Variants in ASTN1 observed in about 807,000 individuals in gnomAD.
The protein encoded by ASTN1 is astrotactin 1.
In ASTN1, 41 loss-of-function variants were observed where a neutral mutation model predicts 140.7. The observed-to-expected ratio is 0.29, with a 90% CI of 0.23 to 0.38. The LOEUF is 0.38. ASTN1 is among the 10% of genes least tolerant of loss of function. ASTN1 has a pLI of 1.00. For missense variants in ASTN1, 1,479 were observed against 1,678.8 expected (o/e 0.88, Z 2.08); for synonymous variants, 640 against 652.2 (o/e 0.98, Z 0.29).
chr1:176,934,311 C>T lies in ASTN1; in HGVS notation c.2512G>A (p.Gly838Arg). The T allele has an allele frequency of 6.2e-7, 1 of 1,613,464 alleles. No homozygotes were observed. The highest frequency in any genetic ancestry group is 2.2e-5 in the East Asian group (1 of 44,864). Residue 838 changes from glycine to arginine, a missense_variant, in exon 16 of 23, where the codon GGG (glycine) becomes AGG (arginine). By Grantham distance (125) the Gly-to-Arg change is moderately radical (BLOSUM62 -2). Transcript: ENST00000361833. ...ALSNALHSLD[G>R]ATSRADFVAL... Reference sequence around the variant, plus strand: ...ACAAAATCTGCACGAGATGTAGCCCCATCCAGCGAGTGGAGAGCATTGCTG... The same window carrying T: ...ACAAAATCTGCACGAGATGTAGCCCTATCCAGCGAGTGGAGAGCATTGCTG...
chr1:176,884,543 T>C, intron 18 of ASTN1, 53 bp from the exon 19 acceptor site: 1 of 1,558,190 alleles, frequency 6.4e-7, no homozygotes, highest in Non-Finnish European at 8.8e-7. Flanking sequence ...TGACTCACTT[T>C]GGGCACTGAC....
intron 7 of ASTN1, among the ~76,000 whole-genome samples, chr1:177,019,682 T>G (rs1675722083): frequency 6.6e-6 from 1 of 152,132 alleles, no homozygotes; most frequent in Non-Finnish European, 1.5e-5. Flanking sequence ...CTAGGTATAT[T>G]ACATCCCTCC....
Position 176,862,310 on chromosome 1 carries a change from T to C in ASTN1, c.*1974A>G, listed in dbSNP as rs1667996053. On this transcript the variant is annotated 3_prime_UTR_variant, in exon 23 of 23. Transcript: ENST00000361833. The stretch of plus-strand genomic sequence containing the variant: ...GAGAGAGGAGAGTGAAACCACCCTG[T>C]GCTTTATCTCAGCCTCATCACAGGC... 4 of 985,496 alleles carry C rather than the reference T, an allele frequency of 4.1e-6. No individual in the cohort carries two copies. The highest frequency in any genetic ancestry group is 4.8e-6 in the Non-Finnish European group (4 of 829,978). 61.0% of individuals were successfully genotyped at this position (985,496 alleles called of 1,614,324 possible). A position where few individuals can be genotyped will look rare whatever the true frequency, so the allele number is the denominator to read the frequency against.
At chr1:176,944,146 C>T (rs1466017488) in intron 13 of ASTN1, 128 bp from the exon 14 acceptor site, 1 of 1,218,128 alleles carries the variant, frequency 8.2e-7, no homozygotes, top group African/African-American at 1.5e-5. Context: ...GGCAGGATCT[C>T]AGCTCACCGC....
intron 16 of ASTN1, among the ~76,000 whole-genome samples, chr1:176,895,951 T>TG (rs1669483832): frequency 6.6e-6 from 1 of 152,222 alleles, no homozygotes; most frequent in African/African-American, 2.4e-5. Context: ...ACATTCATTC[T>TG]GGCCCTCTCA....
intron 1 of ASTN1, among the ~76,000 whole-genome samples, chr1:177,111,132 T>A (rs1274110288): frequency 6.6e-6 from 1 of 152,194 alleles, no homozygotes; most frequent in Non-Finnish European, 1.5e-5. Flanking sequence ...TAACATTTGT[T>A]AAGCCCCTCT....
At chr1:176,991,447 A>C (rs900520038) in intron 8 of ASTN1, among the ~76,000 whole-genome samples, 1 of 149,056 alleles carries the variant, frequency 6.7e-6, no homozygotes, top group Non-Finnish European at 1.5e-5. Flanking sequence ...AAAAAAAAAA[A>C]AAAAAAAAAA....
chr1:177,083,925 T>C (rs1679298707), intron 1 of ASTN1, among the ~76,000 whole-genome samples: 1 of 152,212 alleles, frequency 6.6e-6, no homozygotes, highest in Non-Finnish European at 1.5e-5. Context: ...CCAAATCCTT[T>C]TCTGCAGCAT....
intron 2 of ASTN1, among the ~76,000 whole-genome samples, chr1:177,040,762 C>A (rs1237137004): frequency 6.6e-6 from 1 of 152,154 alleles, no homozygotes; most frequent in African/African-American, 2.4e-5. Flanking sequence ...GATCGTCTTT[C>A]TTCTTTAATC....
intron 1 of ASTN1, among the ~76,000 whole-genome samples, chr1:177,108,433 A>G (rs1680658289): frequency 6.6e-6 from 1 of 151,974 alleles, no homozygotes; most frequent in Admixed American, 6.6e-5. Context: ...TAGGTACCTC[A>G]TATAAGTGAA....
chr1:176,968,969 G>A (rs1673012876), intron 8 of ASTN1, among the ~76,000 whole-genome samples: 1 of 152,166 alleles, frequency 6.6e-6, no homozygotes, highest in Non-Finnish European at 1.5e-5. Flanking sequence ...TCTGGCAGGG[G>A]AGCTTGGTGC....
At chr1:177,085,091 C>CTT (rs961489938) in intron 1 of ASTN1, among the ~76,000 whole-genome samples, 2 of 152,176 alleles carry the variant, frequency 1.3e-5, no homozygotes, top group African/African-American at 4.8e-5. Context: ...AGAAATGAGA[C>CTT]TTACTAAATG....
chr1:176,899,780 A>T (rs1303346431), intron 16 of ASTN1, among the ~76,000 whole-genome samples: 1 of 152,118 alleles, frequency 6.6e-6, no homozygotes, highest in African/African-American at 2.4e-5. Flanking sequence ...GTCTCTTGGG[A>T]TGTACAATCA....
chr1:177,127,239 A>C (rs1026996423), intron 1 of ASTN1, among the ~76,000 whole-genome samples: 1 of 152,150 alleles, frequency 6.6e-6, no homozygotes, highest in African/African-American at 2.4e-5. Flanking sequence ...TGTATGTGGA[A>C]GACTTTAGTG....
At position 177,146,395 on chromosome 1, in the gene ASTN1, C is replaced by A. The variant is rs201454038; in HGVS notation, c.283+17999G>T. On this transcript the variant is annotated intron_variant, in intron 1 of 22. Transcript: ENST00000361833. ...GCATTAATTTCTTAAAGGTGACTGG[C>A]AATGTGGAAACAGAAGTCATACACT... 3.9e-5 allele frequency among the ~76,000 whole-genome samples: 6 copies of A among 152,262 alleles called. No individual in the cohort carries two copies. In the East Asian group the frequency reaches 1.2e-3, roughly 29 times the overall value.
At chr1:176,892,218 A>C (rs1402750814) in intron 17 of ASTN1, among the ~76,000 whole-genome samples, 1 of 152,174 alleles carries the variant, frequency 6.6e-6, no homozygotes, top group Non-Finnish European at 1.5e-5. Flanking sequence ...GATTCTGTGG[A>C]GCCATTAAAT....
chr1:177,108,436 TA>T (rs1680658517), intron 1 of ASTN1, among the ~76,000 whole-genome samples: 1 of 151,986 alleles, frequency 6.6e-6, no homozygotes, highest in Admixed American at 6.6e-5. Context: ...GTACCTCATA[TA>T]AGTGAAATCA....
At chr1:176,866,656 T>C (rs1280654444) in intron 22 of ASTN1, among the ~76,000 whole-genome samples, 1 of 152,176 alleles carries the variant, frequency 6.6e-6, no homozygotes, top group East Asian at 1.9e-4. Context: ...TCACTTTAAA[T>C]AATAATAATT....
intron 7 of ASTN1, among the ~76,000 whole-genome samples, chr1:177,023,015 T>C (rs1315651678): frequency 1.3e-5 from 2 of 152,200 alleles, no homozygotes; most frequent in African/African-American, 4.8e-5. Context: ...GATAGAAATA[T>C]TGATGATTAT....
Sources: allele counts gnomAD v4.1 joint callset (sites outside exome capture counted in the v4.1 genomes callset), GRCh38; gene constraint gnomAD v4.1.1; transcripts MANE v1.5; gene names NCBI Gene and HGNC (gene_info 2026-07-23, HGNC 2026-07-21).